NOL4: variants seen among roughly 807,000 people sequenced by gnomAD.
NOL4 encodes nucleolar protein 4, also known as cancer/testis antigen 125.
A neutral mutation model predicts 75.9 loss-of-function variants in NOL4; 17 were observed. That is an observed-to-expected ratio of 0.22 (90% CI 0.15 to 0.34). The LOEUF is 0.34. NOL4 is among the 10% of genes least tolerant of loss of function. NOL4 has a pLI of 1.00. For synonymous variants in NOL4, 292 were observed against 289.9 expected (o/e 1.01, Z -0.07); for missense variants, 614 against 793.5 (o/e 0.77, Z 2.72).
At chr18:34,025,718 T>C (rs1449870796) in intron 5 of NOL4, among the ~76,000 whole-genome samples, 1 of 152,150 alleles carries the variant, frequency 6.6e-6, no homozygotes, top group Non-Finnish European at 1.5e-5. Context: ...TATCTCTAAT[T>C]GCAGAATGAA....
Position 33,856,723 on chromosome 18 carries a change from T to C in NOL4, c.1724-3688A>G, listed in dbSNP as rs540055901. On this transcript the variant is annotated intron_variant, in intron 10 of 10. Transcript: ENST00000261592. Reference sequence around the variant, plus strand: ...ACAAAGAACAAGGTAGTAAATATTTTAGTCATCTTAAGCCATGAGGCAGAA... The same window carrying C: ...ACAAAGAACAAGGTAGTAAATATTTCAGTCATCTTAAGCCATGAGGCAGAA... 2.6e-4 allele frequency among the ~76,000 whole-genome samples: 39 copies of C among 152,232 alleles called. No homozygotes were observed. The South Asian group carries it at 7.5e-3, about 29-fold the overall frequency.
intron 6 of NOL4, among the ~76,000 whole-genome samples, chr18:33,985,411 A>G (rs1248382756): frequency 6.6e-6 from 1 of 152,142 alleles, no homozygotes; most frequent in African/African-American, 2.4e-5. Context: ...TTGATTACAT[A>G]AAATGTTATC....
chr18:33,878,318 AT>A (rs1382941816), intron 10 of NOL4, among the ~76,000 whole-genome samples: 5 of 151,942 alleles, frequency 3.3e-5, no homozygotes, highest in Non-Finnish European at 7.4e-5. Context: ...TCTTTTCCTT[AT>A]TTGTATACGT....
At chr18:34,133,131 GT>G (rs2080733968) in intron 1 of NOL4, among the ~76,000 whole-genome samples, 3 of 151,960 alleles carry the variant, frequency 2.0e-5, no homozygotes, top group Non-Finnish European at 4.4e-5. Flanking sequence ...AATTAGCTGG[GT>G]GTGGTGGTGC....
At chr18:34,037,744 G>A (rs533933886) in intron 5 of NOL4, among the ~76,000 whole-genome samples, 201 of 151,992 alleles carry the variant, frequency 1.3e-3, no homozygotes, top group Middle Eastern at 6.8e-3. Context: ...ATTTCTCACC[G>A]TATATAAAAA....
At chr18:34,186,849 C>T (rs1213380194) in intron 1 of NOL4, among the ~76,000 whole-genome samples, 1 of 151,986 alleles carries the variant, frequency 6.6e-6, no homozygotes, top group Non-Finnish European at 1.5e-5. Flanking sequence ...ACAACAACAA[C>T]TTTATTTTTA....
Position 34,019,330 on chromosome 18 carries a change from T to A in NOL4, c.1044A>T (p.Glu348Asp). ...AATGTGATCATACCTTGCTTCCATT[T>A]TCTCTCGCCTCTCGTTCCATCTTGA... ...SDLKMEREAR[E>D]NGSKSPAHSY... Residue 348 changes from glutamate (E) to aspartate (D), a missense_variant, in exon 6 of 11, where the codon GAA becomes GAT. Physicochemically the swap from Glu to Asp is conservative, Grantham distance 45. Coordinates refer to ENST00000261592, the MANE Select transcript of NOL4 (RefSeq NM_003787.5). 6.2e-7 allele frequency: 1 copy of A among 1,613,070 alleles called. No individual in the cohort carries two copies.
chr18:34,093,313 G>A (rs2078613374), intron 5 of NOL4, 152 bp downstream of exon 5: 2 of 685,878 alleles, frequency 2.9e-6, no homozygotes. Flanking sequence ...TGAAGTGGAT[G>A]ATATAACCTA....
intron 1 of NOL4, among the ~76,000 whole-genome samples, chr18:34,199,147 T>A (rs1160789579): frequency 2.2e-5 from 1 of 45,514 alleles, no homozygotes; most frequent in East Asian, 9.0e-4. Context: ...ACAGAGAAGT[T>A]TTTTTTTTTT....
intron 9 of NOL4, among the ~76,000 whole-genome samples, chr18:33,899,199 C>T (rs1050131769): frequency 7.2e-5 from 11 of 152,088 alleles, no homozygotes; most frequent in Non-Finnish European, 1.0e-4. Flanking sequence ...AAAATGGAGA[C>T]GTTTCATGGC....
Position 34,019,474 on chromosome 18 carries a change from A to T in NOL4, c.900T>A (p.Asp300Glu), listed in dbSNP as rs1252694054. The change falls in exon 6 of 11, where the codon GAT becomes GAA. Residue 300 changes from aspartate (D) to glutamate (E), a missense_variant. Around this residue, in one of 9 missense-constraint regions of NOL4, gnomAD observed 196 missense variants for 167.9 expected, o/e 1.17. Coordinates refer to ENST00000261592, the MANE Select transcript of NOL4 (RefSeq NM_003787.5). Reference sequence around the variant, plus strand: ...TGTCACTCAGGTTCAGTGGCTGTTCATCTTGCTCCAGCCCAGTTTTGCCAT... The same window carrying T: ...TGTCACTCAGGTTCAGTGGCTGTTCTTCTTGCTCCAGCCCAGTTTTGCCAT... ...NSDGKTGLEQ[D>E]EQPLNLSDSP... The T allele has an allele frequency of 1.2e-6, 2 of 1,614,016 alleles. No individual in the cohort carries two copies. The highest frequency in any genetic ancestry group is 1.7e-6 in the Non-Finnish European group (2 of 1,179,982).
intron 2 of NOL4, among the ~76,000 whole-genome samples, chr18:34,114,872 A>G (rs1006808980): frequency 6.9e-6 from 1 of 145,874 alleles, no homozygotes; most frequent in African/African-American, 2.5e-5. Context: ...GAAAGCAGAC[A>G]AAAAAAAAAA....
intron 9 of NOL4, among the ~76,000 whole-genome samples, chr18:33,886,931 T>G (rs1203897866): frequency 2.2e-5 from 3 of 135,094 alleles, no homozygotes; most frequent in Admixed American, 7.5e-5. Context: ...TATATATCTA[T>G]ATATCTATAT....
chr18:34,144,041 G>A (rs1477824252), intron 1 of NOL4, among the ~76,000 whole-genome samples: 1 of 151,986 alleles, frequency 6.6e-6, no homozygotes, highest in African/African-American at 2.4e-5. Context: ...GTTGAAAAGA[G>A]AATCACAATA....
chr18:33,938,468 G>A (rs566141588), intron 9 of NOL4, among the ~76,000 whole-genome samples: 5 of 151,974 alleles, frequency 3.3e-5, no homozygotes, highest in Middle Eastern at 3.4e-3. Context: ...TTTAATGATC[G>A]CCATTCTAAC....
chr18:34,174,217 G>A (rs1021986143), intron 1 of NOL4, among the ~76,000 whole-genome samples: 1 of 152,044 alleles, frequency 6.6e-6, no homozygotes, highest in South Asian at 2.1e-4. Context: ...GTTCAAAGAA[G>A]GAAACTTAAT....
chr18:34,055,801 ATTCC>A (rs932761213), intron 5 of NOL4, among the ~76,000 whole-genome samples: 1 of 151,136 alleles, frequency 6.6e-6, no homozygotes, highest in Non-Finnish European at 1.5e-5. Context: ...ACTTTTCTTC[ATTCC>A]TTTTTTTTTC....
At chr18:34,113,539 A>T in intron 2 of NOL4, among the ~76,000 whole-genome samples, 1 of 152,064 alleles carries the variant, frequency 6.6e-6, no homozygotes, top group Non-Finnish European at 1.5e-5. Context: ...AAGGAGGCTG[A>T]AGCAGGAGGC....
At chr18:33,900,373 T>C (rs749718881) in intron 9 of NOL4, among the ~76,000 whole-genome samples, 12 of 152,072 alleles carry the variant, frequency 7.9e-5, no homozygotes, top group Non-Finnish European at 1.6e-4. Context: ...GCTCCAACAC[T>C]GGGGATGACA....
Sources: allele counts gnomAD v4.1 joint callset (sites outside exome capture counted in the v4.1 genomes callset), GRCh38; gene constraint gnomAD v4.1.1; regional missense constraint gnomAD v4.1.1; transcripts MANE v1.5; gene names NCBI Gene and HGNC (gene_info 2026-07-23, HGNC 2026-07-21).